ACSM6: variants seen among roughly 807,000 people sequenced by gnomAD.
The protein encoded by ACSM6 is acyl-coenzyme A synthetase ACSM6, mitochondrial.
Under a neutral mutation model 51.1 loss-of-function variants are expected in ACSM6, and 35 were observed. The ratio of observed to expected loss-of-function variants is 0.69; its 90% CI spans 0.52 to 0.91. The LOEUF (loss-of-function observed/expected upper bound fraction) is 0.91. Ranked by LOEUF, ACSM6 falls within the 40% of genes least tolerant of loss-of-function variation. The pLI is 0.00. For synonymous variants in ACSM6, 172 were observed against 207.3 expected (o/e 0.83, Z 1.46); for missense variants, 509 against 584.1 (o/e 0.87, Z 1.32).
intron 9 of ACSM6, among the ~76,000 whole-genome samples, chr10:95,223,295 T>A (rs1328891255): frequency 6.6e-6 from 1 of 151,796 alleles, no homozygotes; most frequent in Non-Finnish European, 1.5e-5. Context: ...CAAAAACATA[T>A]AACACCAGGA....
chr10:95,219,924 T>C lies in ACSM6; in HGVS notation c.1153T>C (p.Leu385=), dbSNP rs1376733441. The stretch of plus-strand genomic sequence containing the variant: ...CTGTGCCACTTCCAAAACAATAAAA[T>C]TGAAGCCAAGCTCTCTGGGGAAGCC... The change falls in exon 9 of 11, where the codon TTG becomes CTG. Residue 385 remains leucine (L), a synonymous_variant. Transcript: ENST00000341686. 3 of 1,613,858 alleles carry C rather than the reference T, an allele frequency of 1.9e-6. No homozygotes were observed. In the Admixed American group the frequency reaches 5.0e-5, roughly 27 times the overall value.
chr10:95,202,064 T>C, exon 3 of ACSM6: 1 of 1,551,890 alleles, frequency 6.4e-7, no homozygotes, highest in Non-Finnish European at 8.7e-7. Context: ...TTTGAAAGGA[T>C]GACTCAACTC....
intron 9 of ACSM6, among the ~76,000 whole-genome samples, chr10:95,223,020 G>A (rs748623998): frequency 5.9e-5 from 9 of 151,898 alleles, no homozygotes; most frequent in Non-Finnish European, 1.0e-4. Context: ...CCTCATTAGA[G>A]GGTTTATTTT....
intron 7 of ACSM6, among the ~76,000 whole-genome samples, chr10:95,213,553 T>TA (rs1186188397): frequency 6.6e-6 from 1 of 152,208 alleles, no homozygotes; most frequent in East Asian, 1.9e-4. Context: ...ATAATATGGG[T>TA]AATACATTTT....
chr10:95,220,930 C>T (rs1254574643), intron 9 of ACSM6, among the ~76,000 whole-genome samples: 4 of 151,942 alleles, frequency 2.6e-5, no homozygotes, highest in South Asian at 4.1e-4. Flanking sequence ...GTTAAATTTT[C>T]GTTGCATTTC....
chr10:95,214,932 T>A, exon 8 of ACSM6: 1 of 1,551,602 alleles, frequency 6.4e-7, no homozygotes, highest in East Asian at 2.4e-5. Flanking sequence ...TGGAAACGCA[T>A]CACTAAGTTG....
chr10:95,222,140 G>A (rs117833093), intron 9 of ACSM6, among the ~76,000 whole-genome samples: 3,247 of 152,194 alleles, frequency 0.021, 26 homozygotes, highest in East Asian at 0.041. Context: ...GATTATCTCT[G>A]TTTGCAGATT....
At chr10:95,211,623 AATTT>A (rs1219830061) in intron 5 of ACSM6, among the ~76,000 whole-genome samples, 1 of 152,256 alleles carries the variant, frequency 6.6e-6, no homozygotes, top group Non-Finnish European at 1.5e-5. Flanking sequence ...TGGATTAATT[AATTT>A]AATTAATTAA....
chr10:95,209,782 TTA>T (rs1376716792), intron 4 of ACSM6, among the ~76,000 whole-genome samples: 1 of 152,054 alleles, frequency 6.6e-6, no homozygotes, highest in Non-Finnish European at 1.5e-5. Context: ...ATTTATAATT[TTA>T]TAAACTGTAT....
intron 9 of ACSM6, among the ~76,000 whole-genome samples, chr10:95,222,546 G>A (rs701889): frequency 0.16 from 24,388 of 151,538 alleles, 2,122 homozygotes; most frequent in Middle Eastern, 0.39. Context: ...TCACTTGAAC[G>A]CGGGAGGTGC....
chr10:95,196,982 T>C (rs961590035), intron 2 of ACSM6, among the ~76,000 whole-genome samples: 7 of 152,230 alleles, frequency 4.6e-5, no homozygotes, highest in African/African-American at 1.7e-4. Flanking sequence ...TATTCTTTTC[T>C]TCATTTACAT....
chr10:95,214,283 T>C (rs146498265), intron 7 of ACSM6, among the ~76,000 whole-genome samples: 1 of 152,196 alleles, frequency 6.6e-6, no homozygotes, highest in African/African-American at 2.4e-5. Flanking sequence ...CCATAAAAAG[T>C]TTTGCTATAA....
At chr10:95,204,564 T>A (rs1187563838) in intron 3 of ACSM6, among the ~76,000 whole-genome samples, 4 of 151,832 alleles carry the variant, frequency 2.6e-5, no homozygotes, top group South Asian at 2.1e-4. Context: ...TTTAAAAAAA[T>A]AATAATAATA....
intron 2 of ACSM6, among the ~76,000 whole-genome samples, chr10:95,197,773 A>G (rs201142621): frequency 6.6e-6 from 1 of 152,116 alleles, no homozygotes; most frequent in Non-Finnish European, 1.5e-5. Context: ...CAGACCCTTT[A>G]CGGGTGTCGG....
intron 2 of ACSM6, among the ~76,000 whole-genome samples, chr10:95,200,241 G>A (rs1016539330): frequency 2.5e-4 from 37 of 150,398 alleles, no homozygotes; most frequent in African/African-American, 7.1e-4. Context: ...GCAAACTATC[G>A]CAAGGACAAA....
At chr10:95,209,141 G>T (rs1436162551) in intron 4 of ACSM6, among the ~76,000 whole-genome samples, 1 of 152,092 alleles carries the variant, frequency 6.6e-6, no homozygotes, top group Non-Finnish European at 1.5e-5. Context: ...TTTAGATTTG[G>T]TGACTTCTGA....
intron 2 of ACSM6, among the ~76,000 whole-genome samples, chr10:95,199,859 C>A (rs2034774702): frequency 6.6e-6 from 1 of 152,148 alleles, no homozygotes; most frequent in African/African-American, 2.4e-5. Context: ...ACAATAGGTG[C>A]TGGAGAGGAT....
intron 7 of ACSM6, among the ~76,000 whole-genome samples, chr10:95,213,386 C>T (rs1266729546): frequency 2.0e-5 from 3 of 152,010 alleles, no homozygotes; most frequent in East Asian, 1.9e-4. Context: ...TCTTCTAGGC[C>T]TTTTTAAAAC....
rs530002609 is a variant in ACSM6 at position 95,194,520 on chromosome 10, G to A, written c.35G>A (p.Arg12Gln). The change falls in exon 2 of 11, where the codon CGG (arginine) becomes CAG (glutamine). Residue 12 changes from arginine to glutamine, a missense_variant. Coordinates refer to ENST00000341686, the Ensembl canonical transcript of ACSM6. ...CGATTTCAACCCTTCTCCTTGGTCCGGAGTTTCAGACTGGGATTTGAAGCC... is the reference window on the plus strand; with the variant it reads ...CGATTTCAACCCTTCTCCTTGGTCCAGAGTTTCAGACTGGGATTTGAAGCC... 46 of 1,551,682 alleles carry A rather than the reference G, an allele frequency of 3.0e-5. No homozygotes were observed. In the Middle Eastern group the frequency reaches 5.0e-4, roughly 17 times the overall value.
Sources: gnomAD v4.1 joint callset for allele counts (sites outside exome capture counted in the v4.1 genomes callset) on GRCh38, gnomAD v4.1.1 for gene constraint, MANE v1.5 for transcripts, NCBI Gene and HGNC (gene_info 2026-07-23, HGNC 2026-07-21) for gene names.